APMAP: variants seen among roughly 807,000 people sequenced by gnomAD.
APMAP encodes the protein adipocyte plasma membrane-associated protein.
APMAP carries 33 observed loss-of-function variants against 43.6 expected under a neutral mutation model. The ratio of observed to expected loss-of-function variants is 0.76; its 90% CI spans 0.57 to 1.01. The LOEUF (loss-of-function observed/expected upper bound fraction) is 1.01, where lower values mean the gene tolerates loss of function less well. APMAP is among the 50% of genes least tolerant of loss of function. The pLI is 0.00. For missense variants in APMAP, 498 were observed against 540.7 expected (o/e 0.92, Z 0.78); for synonymous variants, 224 against 216.7 (o/e 1.03, Z -0.30).
chr20:24,984,040 A>C (rs1258279099), intron 1 of APMAP, 21 bp from the exon 2 acceptor site: 1 of 1,580,296 alleles, frequency 6.3e-7, no homozygotes, highest in Non-Finnish European at 8.7e-7. Flanking sequence ...TAAAAGATAC[A>C]AAGGCAATCA....
intron 8 of APMAP, among the ~76,000 whole-genome samples, chr20:24,968,510 G>A (rs1568810888): frequency 6.6e-6 from 1 of 152,186 alleles, no homozygotes; most frequent in Admixed American, 6.5e-5. Context: ...CAGAGAGGGG[G>A]GTGGAGAGCA....
chr20:24,968,300 C>CT (rs35507125), intron 8 of APMAP, among the ~76,000 whole-genome samples: 3 of 152,014 alleles, frequency 2.0e-5, no homozygotes, highest in African/African-American at 4.8e-5. Flanking sequence ...GGGTGGGTGA[C>CT]TTTTTTTTAA....
intron 8 of APMAP, among the ~76,000 whole-genome samples, chr20:24,966,276 T>A (rs1048633197): frequency 6.6e-6 from 1 of 152,178 alleles, no homozygotes; most frequent in African/African-American, 2.4e-5. Flanking sequence ...GATGGGTAAT[T>A]TGAGCATCAA....
At chr20:24,973,607 A>G (rs373275012) in intron 4 of APMAP, 38 bp downstream of exon 4, 14 of 1,569,814 alleles carry the variant, frequency 8.9e-6, no homozygotes, top group Non-Finnish European at 1.1e-5. Context: ...TTTCTGAAAG[A>G]CTGGAAGAGA....
Position 24,963,864 on chromosome 20 carries a change from C to T in APMAP, c.1200G>A (p.Leu400=). The change falls in exon 9 of 9, where the codon CTG becomes CTA. Residue 400 remains leucine (L), a synonymous_variant. Coordinates refer to ENST00000217456, the MANE Select transcript of APMAP (RefSeq NM_020531.3). The part of the protein sequence containing the change: ...EVHEHDGHLY[L]GSFRSPFLCR... ...AGAGGAAGGGGGACCTGAAAGAGCC[C>T]AGGTACAGGTGCCCATCGTGTTCGT... is the stretch of plus-strand genomic sequence containing the variant. 2 of 1,614,196 alleles carry T rather than the reference C, an allele frequency of 1.2e-6. No homozygotes were observed. Among genetic ancestry groups the T allele is most frequent in the African/African-American group, 1.3e-5 (1 of 75,040 alleles).
chr20:24,978,979 A>G (rs754643037), intron 2 of APMAP, 97 bp from the exon 3 acceptor site: 1 of 939,804 alleles, frequency 1.1e-6, no homozygotes, highest in Non-Finnish European at 1.7e-6. Flanking sequence ...TAAAGATGGC[A>G]CTTTCTAACA....
At position 24,970,198 on chromosome 20, in the gene APMAP, GC is replaced by G; in HGVS notation, c.711del (p.Arg238AlafsTer8). ...GGGAGACCTGGAGCAAGGCCTCACCGCCCGTCATCTGTGCCCTCCATCACCA... is the reference window on the plus strand; with the variant it reads ...GGGAGACCTGGAGCAAGGCCTCACCGCCGTCATCTGTGCCCTCCATCACCA... The part of the protein sequence containing the change: ...LLLVMEGTDD[G>X]RLLEYDTVTR... On this transcript the variant is annotated frameshift_variant and splice_region_variant, in exon 6 of 9. Transcript: ENST00000217456. LOFTEE classifies it high-confidence loss of function. 1 of 1,614,082 alleles carries G rather than the reference GC, an allele frequency of 6.2e-7. No homozygotes were observed. The highest frequency in any genetic ancestry group is 8.5e-7 in the Non-Finnish European group (1 of 1,179,980).
rs2087918813 is a variant in APMAP, at chr20:24,963,830, TGA to T, written c.1232_1233del (p.Leu411GlnfsTer46). 6.2e-7 allele frequency: 1 copy of T among 1,614,162 alleles called. No individual in the cohort carries two copies. Among genetic ancestry groups the T allele is most frequent in the Non-Finnish European group, 8.5e-7 (1 of 1,180,026 alleles). On this transcript the variant is annotated frameshift_variant, in exon 9 of 9. Transcript: ENST00000217456. LOFTEE classifies it high-confidence loss of function. ...GSFRSPFLCRLSLQAV is the reference protein window; with the variant it reads ...GSFRSPFLCRXSLQAV ...TGGGAGGGCTAAACAGCCTGGAGGC[TGA>T]GTCTGCAGAGGAAGGGGGACCTGAA...
chr20:24,969,777 G>A (rs915396188), intron 6 of APMAP, 117 bp from the exon 7 acceptor site: 9 of 1,363,786 alleles, frequency 6.6e-6, no homozygotes, highest in Non-Finnish European at 5.9e-6. Context: ...ACAGGCCCTG[G>A]GTGCCCTGCT....
chr20:24,981,130 A>G (rs947741671), intron 2 of APMAP, among the ~76,000 whole-genome samples: 1 of 152,238 alleles, frequency 6.6e-6, no homozygotes, highest in Non-Finnish European at 1.5e-5. Flanking sequence ...GTACTTGAGA[A>G]CAAAATCACC....
intron 2 of APMAP, 141 bp downstream of exon 2, chr20:24,983,762 A>T (rs1255598692): frequency 1.8e-6 from 1 of 564,250 alleles, no homozygotes. Flanking sequence ...AAACCCAGGT[A>T]CTAAAGAAAT....
chr20:24,964,116 T>G, intron 8 of APMAP, 94 bp from the exon 9 acceptor site: 15 of 1,294,006 alleles, frequency 1.2e-5, no homozygotes, highest in East Asian at 2.4e-5. Flanking sequence ...AGGAACGGTC[T>G]GACTCCTTCC....
chr20:24,980,304 T>C (rs961109497), intron 2 of APMAP, among the ~76,000 whole-genome samples: 10 of 152,184 alleles, frequency 6.6e-5, no homozygotes, highest in African/African-American at 2.4e-4. Context: ...TGGGGAAAAG[T>C]TTATGACAAC....
chr20:24,971,221 A>G (rs1387159115), intron 5 of APMAP, among the ~76,000 whole-genome samples: 1 of 152,220 alleles, frequency 6.6e-6, no homozygotes, highest in Non-Finnish European at 1.5e-5. Context: ...CCCTGTGGCT[A>G]AAATATAAAT....
chr20:24,964,054 C>A, intron 8 of APMAP, 32 bp from the exon 9 acceptor site: 1 of 1,607,168 alleles, frequency 6.2e-7, no homozygotes, highest in East Asian at 2.2e-5. Context: ...GGAAAGTTCA[C>A]CAGCTGGCCA....
chr20:24,986,896 G>C (rs911131508), intron 1 of APMAP, among the ~76,000 whole-genome samples: 3 of 152,218 alleles, frequency 2.0e-5, no homozygotes, highest in Admixed American at 2.0e-4. Flanking sequence ...CAGACCTAGA[G>C]CCCTCAGAGC....
At chr20:24,974,928 A>G (rs1015515564) in intron 3 of APMAP, among the ~76,000 whole-genome samples, 1 of 152,226 alleles carries the variant, frequency 6.6e-6, no homozygotes, top group Non-Finnish European at 1.5e-5. Flanking sequence ...GAATAATCAC[A>G]TGATCATATC....
chr20:24,963,767 T>C lies in APMAP; in HGVS notation c.*46A>G. On this transcript the variant is annotated 3_prime_UTR_variant, in exon 9 of 9. Coordinates refer to ENST00000217456, the MANE Select transcript of APMAP (RefSeq NM_020531.3). ...TCCTGGACCAGGCCTGGTGCCTGAG[T>C]GTGAAGACTCCTGGCCTGCGTGGCA... 3.2e-6 allele frequency: 5 copies of C among 1,578,382 alleles called. No homozygotes were observed. The South Asian group carries it at 4.5e-5, about 14-fold the overall frequency.
intron 1 of APMAP, among the ~76,000 whole-genome samples, chr20:24,989,765 C>G (rs2088176210): frequency 6.6e-6 from 1 of 152,186 alleles, no homozygotes; most frequent in African/African-American, 2.4e-5. Flanking sequence ...AAAAAGCCAT[C>G]TGAAAATACA....
Sources: allele counts gnomAD v4.1 joint callset (sites outside exome capture counted in the v4.1 genomes callset), GRCh38; gene constraint gnomAD v4.1.1; transcripts MANE v1.5; gene names NCBI Gene and HGNC (gene_info 2026-07-23, HGNC 2026-07-21).